Variants in TMEM154 observed in about 807,000 individuals in gnomAD.
TMEM154 encodes transmembrane protein 154.
A neutral mutation model predicts 24.5 loss-of-function variants in TMEM154; 27 were observed. The ratio of observed to expected loss-of-function variants is 1.10; its 90% CI spans 0.81 to 1.52. The LOEUF is 1.52. Ranked by LOEUF, TMEM154 falls within the 40% of genes most tolerant of loss-of-function variation. TMEM154 has a pLI of 0.00. For synonymous variants in TMEM154, 67 were observed against 76.8 expected (o/e 0.87, Z 0.67); for missense variants, 228 against 213.4 (o/e 1.07, Z -0.43).
intron 5 of TMEM154, among the ~76,000 whole-genome samples, chr4:152,642,130 G>T (rs1008938927): frequency 6.6e-6 from 1 of 151,582 alleles, no homozygotes; most frequent in Non-Finnish European, 1.5e-5. Context: ...TGTTGGCCAG[G>T]CTGGTTTCGA....
chr4:152,654,654 T>C (rs545529027), intron 1 of TMEM154, among the ~76,000 whole-genome samples: 2 of 152,278 alleles, frequency 1.3e-5, no homozygotes, highest in African/African-American at 2.4e-5. Flanking sequence ...TATGAGAAGA[T>C]AAGAAAACCA....
chr4:152,656,296 C>G (rs1728490738), intron 1 of TMEM154, among the ~76,000 whole-genome samples: 1 of 152,138 alleles, frequency 6.6e-6, no homozygotes. Flanking sequence ...CAAAAACCAG[C>G]CTGCCTGGAC....
At chr4:152,659,552 T>C (rs940726742) in intron 1 of TMEM154, among the ~76,000 whole-genome samples, 3 of 152,220 alleles carry the variant, frequency 2.0e-5, no homozygotes, top group African/African-American at 7.2e-5. Flanking sequence ...GATAAATACT[T>C]AAAGTGATGG....
chr4:152,647,362 T>A, intron 3 of TMEM154: 2 of 982,128 alleles, frequency 2.0e-6, no homozygotes, highest in Non-Finnish European at 2.4e-6. Flanking sequence ...ATGTAAATAT[T>A]CTGCTTTTAT....
rs113052952 is a variant in TMEM154, at chr4:152,629,720, T to G, written c.537-1159A>C. On this transcript the variant is annotated intron_variant, in intron 6 of 6. Coordinates refer to ENST00000304385, the MANE Select transcript of TMEM154 (RefSeq NM_152680.3). ...GATGTGGATAGTCTGCAATAGGTGA[T>G]ATTCTTCTGACTCCTACTTCAGTGC... is the stretch of plus-strand genomic sequence containing the variant. Among the ~76,000 whole-genome samples, 372 of 152,352 alleles carry G rather than the reference T, an allele frequency of 2.4e-3. 1 individual carries two copies. Among genetic ancestry groups the G allele is most frequent in the African/African-American group, 8.6e-3 (356 of 41,570 alleles).
chr4:152,661,906 T>TA (rs1476143060), intron 1 of TMEM154, among the ~76,000 whole-genome samples: 4 of 152,218 alleles, frequency 2.6e-5, no homozygotes, highest in Admixed American at 6.5e-5. Context: ...TCTATGCATA[T>TA]ACAAGTATAA....
intron 1 of TMEM154, among the ~76,000 whole-genome samples, chr4:152,671,713 C>G (rs1226896721): frequency 3.7e-5 from 5 of 136,622 alleles, no homozygotes; most frequent in Non-Finnish European, 1.5e-5. Context: ...CGCCACTGCA[C>G]TCCAGCCTGG....
intron 1 of TMEM154, chr4:152,666,589 G>A (rs1225206008): frequency 6.6e-6 from 1 of 152,158 alleles, no homozygotes; most frequent in Non-Finnish European, 1.5e-5. Flanking sequence ...CAGGATTACA[G>A]GTATGAGCCA....
At chr4:152,630,038 G>T (rs895679226) in intron 6 of TMEM154, among the ~76,000 whole-genome samples, 3 of 152,136 alleles carry the variant, frequency 2.0e-5, no homozygotes, top group African/African-American at 7.2e-5. Context: ...ACTAGGGTGG[G>T]CGTGGTGGCT....
chr4:152,648,805 C>T (rs1328135156), intron 3 of TMEM154, among the ~76,000 whole-genome samples: 1 of 152,186 alleles, frequency 6.6e-6, no homozygotes, highest in Non-Finnish European at 1.5e-5. Context: ...GAGTGGATAC[C>T]TCCAACATCC....
At chr4:152,674,651 A>G (rs141062593) in intron 1 of TMEM154, among the ~76,000 whole-genome samples, 9 of 152,242 alleles carry the variant, frequency 5.9e-5, no homozygotes, top group East Asian at 3.9e-4. Flanking sequence ...AGGTCCAATC[A>G]TGGGCTCCCT....
At position 152,652,785 on chromosome 4, in the gene TMEM154, C is replaced by T. The variant is rs370355996; in HGVS notation, c.207G>A (p.Pro69=). The part of the protein sequence containing the change: ...NANINSTNFA[P]DENQLEFILM... ...GTATAAACTCTAACTGATTTTCATCCGGAGCAAAGTTGGTAGAATTTATAT... is the reference window on the plus strand; with the variant it reads ...GTATAAACTCTAACTGATTTTCATCTGGAGCAAAGTTGGTAGAATTTATAT... The change falls in exon 2 of 7, where the codon CCG becomes CCA. Residue 69 remains proline (P), a synonymous_variant. Transcript: ENST00000304385. 55 of 1,613,822 alleles carry T rather than the reference C, an allele frequency of 3.4e-5. No individual in the cohort carries two copies. The highest frequency in any genetic ancestry group is 8.0e-5 in the African/African-American group (6 of 74,874).
rs1162927443 is a variant in TMEM154, at chr4:152,624,064, T to A, written c.*4482A>T. 2 of 152,194 alleles carry A rather than the reference T, an allele frequency of 1.3e-5. No homozygotes were observed. The highest frequency in any genetic ancestry group is 2.4e-5 in the African/African-American group (1 of 41,452). 9.4% of individuals were successfully genotyped at this position (152,194 alleles called of 1,614,324 possible). The stretch of plus-strand genomic sequence containing the variant: ...AAACCCCAAAGCCCATCCACCTTTG[T>A]CTTAAACAGGTCTACATTGTACTTC... On this transcript the variant is annotated 3_prime_UTR_variant, in exon 7 of 7. Coordinates refer to ENST00000304385, the MANE Select transcript of TMEM154 (RefSeq NM_152680.3).
chr4:152,653,073 C>T, intron 1 of TMEM154, 146 bp from the exon 2 acceptor site: 1 of 769,364 alleles, frequency 1.3e-6, no homozygotes, highest in South Asian at 2.0e-5. Flanking sequence ...TGACACAGAA[C>T]ATTGATTTAA....
chr4:152,638,816 A>T (rs984871091), intron 6 of TMEM154, among the ~76,000 whole-genome samples: 2 of 152,200 alleles, frequency 1.3e-5, no homozygotes, highest in African/African-American at 4.8e-5. Context: ...AGAGGGCATA[A>T]AGTGAAGGCC....
At chr4:152,679,791 G>C (rs1729024410) in intron 1 of TMEM154, 79 bp downstream of exon 1, 2 of 1,548,372 alleles carry the variant, frequency 1.3e-6, no homozygotes, top group East Asian at 2.4e-5. Flanking sequence ...CACCCTCCCC[G>C]GCAGAGTTCT....
intron 6 of TMEM154, among the ~76,000 whole-genome samples, chr4:152,636,236 G>A (rs898819089): frequency 2.6e-5 from 4 of 152,286 alleles, no homozygotes; most frequent in East Asian, 3.9e-4. Context: ...GTTTTCTGTC[G>A]TTACCATGTG....
rs370355996 is a variant in TMEM154 at position 152,652,785 on chromosome 4, C to A, written c.207G>T (p.Pro69=). ...NANINSTNFA[P]DENQLEFILM... is the part of the protein sequence containing the mutation. ...GTATAAACTCTAACTGATTTTCATC[C>A]GGAGCAAAGTTGGTAGAATTTATAT... is the stretch of plus-strand genomic sequence containing the variant. Residue 69 remains proline (P), a synonymous_variant, in exon 2 of 7, where the codon CCG becomes CCT. Coordinates refer to ENST00000304385, the MANE Select transcript of TMEM154 (RefSeq NM_152680.3). The A allele has an allele frequency of 2.2e-5, 36 of 1,613,822 alleles. No individual in the cohort carries two copies. Among genetic ancestry groups the A allele is most frequent in the Non-Finnish European group, 2.8e-5 (33 of 1,179,970 alleles).
At chr4:152,675,106 G>A (rs1370115781) in intron 1 of TMEM154, among the ~76,000 whole-genome samples, 5 of 130,718 alleles carry the variant, frequency 3.8e-5, no homozygotes, top group Admixed American at 2.8e-4. Flanking sequence ...GCAGTGAGCC[G>A]AGATCACACC....
Sources: gnomAD v4.1 joint callset for allele counts (sites outside exome capture counted in the v4.1 genomes callset) on GRCh38, gnomAD v4.1.1 for gene constraint, MANE v1.5 for transcripts, NCBI Gene and HGNC (gene_info 2026-07-23, HGNC 2026-07-21) for gene names.